TRMT10B: variants seen among roughly 807,000 people sequenced by gnomAD.
TRMT10B encodes tRNA methyltransferase 10B, also known as tRNA methyltransferase 10 homolog B.
Under a neutral mutation model 43.8 loss-of-function variants are expected in TRMT10B, and 33 were observed. That is an observed-to-expected ratio of 0.75 (90% CI 0.57 to 1.01). The LOEUF (loss-of-function observed/expected upper bound fraction) is 1.01. TRMT10B is among the 50% of genes least tolerant of loss of function. The pLI, the probability that TRMT10B is intolerant of heterozygous loss-of-function variation, is 0.00. For missense variants in TRMT10B, 362 were observed against 369.8 expected (o/e 0.98, Z 0.17); for synonymous variants, 137 against 130.6 (o/e 1.05, Z -0.34).
chr9:37,772,134 C>T (rs1827660969), intron 7 of TRMT10B, among the ~76,000 whole-genome samples: 1 of 152,182 alleles, frequency 6.6e-6, no homozygotes, highest in East Asian at 1.9e-4. Flanking sequence ...GCCTCAGCCT[C>T]CTGGGTAGCT....
intron 3 of TRMT10B, 144 bp downstream of exon 3, chr9:37,762,829 C>A: frequency 8.9e-7 from 1 of 1,125,630 alleles, no homozygotes; most frequent in Non-Finnish European, 1.2e-6. Context: ...GGAATCAAAA[C>A]ATCAAAGAAA....
chr9:37,776,533 A>G, intron 8 of TRMT10B, 128 bp downstream of exon 8: 4 of 1,193,070 alleles, frequency 3.4e-6, no homozygotes, highest in Non-Finnish European at 4.5e-6. Context: ...CATGTACGTC[A>G]TGACATATAT....
intron 7 of TRMT10B, among the ~76,000 whole-genome samples, chr9:37,772,680 T>C (rs1159069582): frequency 6.6e-6 from 1 of 152,094 alleles, no homozygotes; most frequent in African/African-American, 2.4e-5. Context: ...GGCAGGAGGC[T>C]GTTACAGATT....
chr9:37,777,673 GA>G lies in TRMT10B; in HGVS notation c.921del (p.Gly308AlafsTer30), dbSNP rs774261758. 224 of 1,613,980 alleles carry G rather than the reference GA, an allele frequency of 1.4e-4. No individual in the cohort carries two copies. Among genetic ancestry groups the G allele is most frequent in the Non-Finnish European group, 1.7e-5 (20 of 1,179,954 alleles). On this transcript the variant is annotated frameshift_variant, in exon 9 of 9. Transcript: ENST00000297994. LOFTEE classifies it high-confidence loss of function. ...PEALKKGVSS[G>X]KGYILRNSVE ...GCATTGAAGAAAGGAGTTTCTTCAG[GA>G]AAAGGCTATATTCTTCGGAACTCAG...
chr9:37,778,926 G>A lies in TRMT10B; in HGVS notation c.*1219G>A, dbSNP rs1252213555. The stretch of plus-strand genomic sequence containing the variant: ...ATCCTCCCTGAGCCTGTACCAACTA[G>A]ATTCTTCATATGTATTTGTAACAGA... On this transcript the variant is annotated 3_prime_UTR_variant, in exon 9 of 9. Coordinates refer to ENST00000297994, the MANE Select transcript of TRMT10B (RefSeq NM_144964.4). The A allele has an allele frequency of 2.0e-5, 3 of 152,248 alleles. No individual in the cohort carries two copies. The East Asian group carries it at 5.8e-4, about 29-fold the overall frequency. The allele number at this position is 152,248 out of a possible 1,614,324, so 9.4% of individuals were successfully genotyped here.
chr9:37,776,290 A>G lies in TRMT10B; in HGVS notation c.729A>G (p.Thr243=). ...LVDESIQKKV[T]FQKAREYSVK... is the part of the protein sequence containing the mutation. ...TAACTATATATTTACAGAAGGTGAC[A>G]TTTCAAAAGGCCCGGGAATACTCTG... The change falls in exon 8 of 9, where the codon ACA becomes ACG. Residue 243 remains threonine, a synonymous_variant. Transcript: ENST00000297994. 1 of 1,547,816 alleles carries G rather than the reference A, an allele frequency of 6.5e-7. No individual in the cohort carries two copies. The highest frequency in any genetic ancestry group is 1.3e-5 in the South Asian group (1 of 79,328).
At chr9:37,766,752 A>C (rs1827026364) in intron 4 of TRMT10B, among the ~76,000 whole-genome samples, 1 of 152,052 alleles carries the variant, frequency 6.6e-6, no homozygotes, top group African/African-American at 2.4e-5. Context: ...CTTTTATTTC[A>C]TTGAGCAGTG....
At chr9:37,767,919 G>T (rs184350689) in intron 4 of TRMT10B, among the ~76,000 whole-genome samples, 157 bp from the exon 5 acceptor site, 1 of 152,242 alleles carries the variant, frequency 6.6e-6, no homozygotes, top group Admixed American at 6.5e-5. Context: ...TGTCTGTAAG[G>T]TGTGATGCCA....
chr9:37,773,659 C>T (rs928385867), intron 7 of TRMT10B, among the ~76,000 whole-genome samples: 1 of 152,118 alleles, frequency 6.6e-6, no homozygotes, highest in Non-Finnish European at 1.5e-5. Flanking sequence ...CATGTGAAAA[C>T]CCTGTCTCTA....
chr9:37,776,580 C>A, intron 8 of TRMT10B, 175 bp downstream of exon 8: 1 of 807,068 alleles, frequency 1.2e-6, no homozygotes, highest in Non-Finnish European at 1.8e-6. Flanking sequence ...TCTTCGTCAC[C>A]AACTATGTTA....
At chr9:37,771,950 CCCA>C (rs1361470361) in intron 7 of TRMT10B, among the ~76,000 whole-genome samples, 1 of 151,922 alleles carries the variant, frequency 6.6e-6, no homozygotes, top group Non-Finnish European at 1.5e-5. Context: ...AAGCAATCCT[CCCA>C]CCACCTCAGC....
intron 4 of TRMT10B, among the ~76,000 whole-genome samples, chr9:37,765,366 G>C (rs1248400221): frequency 6.6e-6 from 1 of 152,032 alleles, no homozygotes; most frequent in Non-Finnish European, 1.5e-5. Flanking sequence ...TTTTGTCCTT[G>C]TGATAGTTTG....
At chr9:37,755,590 AAC>A (rs1235728884) in intron 1 of TRMT10B, among the ~76,000 whole-genome samples, 1 of 152,198 alleles carries the variant, frequency 6.6e-6, no homozygotes, top group African/African-American at 2.4e-5. Flanking sequence ...TATGCCAGAC[AAC>A]AGAGATACAA....
chr9:37,762,977 CAAAAAAAA>C (rs57643861), intron 3 of TRMT10B, among the ~76,000 whole-genome samples: 1 of 85,164 alleles, frequency 1.2e-5, no homozygotes, highest in African/African-American at 4.8e-5. Context: ...ACTAAAAATA[CAAAAAAAA>C]AAAAAAAAAG....
chr9:37,758,638 G>C lies in TRMT10B; in HGVS notation c.-29-3265G>C, dbSNP rs1016545416. On this transcript the variant is annotated intron_variant, in intron 1 of 8. Coordinates refer to ENST00000297994, the MANE Select transcript of TRMT10B (RefSeq NM_144964.4). ...AGAAATACTATAACTTGAACAAGAA[G>C]TAGAAGTTTTAAAATATTCTTAAAA... Among the ~76,000 whole-genome samples the C allele has an allele frequency of 5.3e-5, 8 of 151,986 alleles. No homozygotes were observed. The East Asian group carries it at 1.5e-3, about 29-fold the overall frequency.
chr9:37,759,749 G>A (rs938227442), intron 1 of TRMT10B, among the ~76,000 whole-genome samples: 12 of 152,138 alleles, frequency 7.9e-5, no homozygotes, highest in South Asian at 6.2e-4. Flanking sequence ...CTCAGGAGGC[G>A]GAGGTTCCAG....
intron 3 of TRMT10B, 25 bp downstream of exon 3, chr9:37,762,710 A>G (rs764437989): frequency 1.9e-5 from 30 of 1,541,634 alleles, no homozygotes; most frequent in Non-Finnish European, 2.6e-5. Context: ...GACTGTTGGT[A>G]TAATAATATT....
chr9:37,767,068 T>C (rs1163185580), intron 4 of TRMT10B: 2 of 152,210 alleles, frequency 1.3e-5, no homozygotes, highest in Non-Finnish European at 2.9e-5. Flanking sequence ...TTTTAGGCCT[T>C]ACATCACAGT....
intron 7 of TRMT10B, among the ~76,000 whole-genome samples, chr9:37,771,318 G>C (rs1827554595): frequency 6.6e-6 from 1 of 152,158 alleles, no homozygotes. Flanking sequence ...TAGAATGAAA[G>C]TCTTTCCTAC....
Sources: gnomAD v4.1 joint callset for allele counts (sites outside exome capture counted in the v4.1 genomes callset) on GRCh38, gnomAD v4.1.1 for gene constraint, MANE v1.5 for transcripts, NCBI Gene and HGNC (gene_info 2026-07-23, HGNC 2026-07-21) for gene names.